DNAJC27: variants seen among roughly 807,000 people sequenced by gnomAD.
The protein encoded by DNAJC27 is dnaJ homolog subfamily C member 27.
A neutral mutation model predicts 31.4 loss-of-function variants in DNAJC27; 25 were observed. That is an observed-to-expected ratio of 0.80 (90% CI 0.58 to 1.11). The LOEUF is 1.11. DNAJC27 is among the 50% of genes most tolerant of loss of function. The pLI, the probability that DNAJC27 is intolerant of heterozygous loss-of-function variation, is 0.00. For missense variants in DNAJC27, 356 were observed against 347.3 expected (o/e 1.02, Z -0.20); for synonymous variants, 106 against 112.7 (o/e 0.94, Z 0.37).
Position 24,960,393 on chromosome 2 carries a change from G to T in DNAJC27, c.241-2419C>A, listed in dbSNP as rs553541551. Among the ~76,000 whole-genome samples the T allele has an allele frequency of 8.5e-5, 13 of 152,250 alleles. No individual in the cohort carries two copies. In the South Asian group the frequency reaches 1.7e-3, roughly 19 times the overall value. ...CTCTTCCCTGAGACAAAACAATATTGAAAGTAGGCCAATTAATAACAATAC... is the reference window on the plus strand; with the variant it reads ...CTCTTCCCTGAGACAAAACAATATTTAAAGTAGGCCAATTAATAACAATAC... On this transcript the variant is annotated intron_variant, in intron 3 of 6. Transcript: ENST00000264711.
Position 24,957,158 on chromosome 2 carries a change from C to G in DNAJC27, c.413G>C (p.Cys138Ser). The change falls in exon 5 of 7, where the codon TGT becomes TCT. Residue 138 changes from cysteine to serine, a missense_variant. By Grantham distance (112) the Cys-to-Ser change is moderately radical. Transcript: ENST00000264711. ...TTCATCTACACAGCGATGTTTGGTACAATCAATCTGAAATAGAAGGGGCGG... is the reference window on the plus strand; with the variant it reads ...TTCATCTACACAGCGATGTTTGGTAGAATCAATCTGAAATAGAAGGGGCGG... ...IFVVCANKID[C>S]TKHRCVDESE... 6.3e-7 allele frequency: 1 copy of G among 1,596,336 alleles called. No individual in the cohort carries two copies. Among genetic ancestry groups the G allele is most frequent in the Middle Eastern group, 1.7e-4 (1 of 6,008 alleles).
chr2:24,950,868 A>T lies in DNAJC27; in HGVS notation c.689+526T>A, dbSNP rs184611343. Among the ~76,000 whole-genome samples the T allele has an allele frequency of 4.9e-3, 744 of 152,124 alleles. 1 individual carries two copies. Among genetic ancestry groups the T allele is most frequent in the Middle Eastern group, 0.02 (6 of 294 alleles). On this transcript the variant is annotated intron_variant, in intron 6 of 6. Coordinates refer to ENST00000264711, the MANE Select transcript of DNAJC27 (RefSeq NM_016544.3). ...GTCTCAAAAATAAAAATAAAAAAAA[A>T]AAATAAACAAATACACACACAGATG...
In DNAJC27 at chr2:24,951,563, A is replaced by C. The variant is rs1327944202; in HGVS notation, c.529-9T>G. On this transcript the variant is annotated splice_polypyrimidine_tract_variant and intron_variant, in intron 5 of 6. Coordinates refer to ENST00000264711, the MANE Select transcript of DNAJC27 (RefSeq NM_016544.3). ...ATGGATATATAAAAGGTCTACAAGA[A>C]GAAAACATAACCCAGGGTAGAAATG... 8 of 1,604,758 alleles carry C rather than the reference A, an allele frequency of 5.0e-6. No homozygotes were observed. The East Asian group carries it at 1.8e-4, about 36-fold the overall frequency.
In DNAJC27 at chr2:24,951,471, T is replaced by C. The variant is rs1406860248; in HGVS notation, c.612A>G (p.Glu204=). Residue 204 remains glutamate (E), a synonymous_variant, in exon 6 of 7, where the codon GAA becomes GAG. Coordinates refer to ENST00000264711, the MANE Select transcript of DNAJC27 (RefSeq NM_016544.3). ...TTNSSASFTK[E]QADAIRRIRN... ...GAATTCTGCGAATGGCATCTGCTTGTTCTTTGGTGAAACTAGCACTGCTAT... is the reference window on the plus strand; with the variant it reads ...GAATTCTGCGAATGGCATCTGCTTGCTCTTTGGTGAAACTAGCACTGCTAT... 3.7e-6 allele frequency: 6 copies of C among 1,613,804 alleles called. No individual in the cohort carries two copies. The highest frequency in any genetic ancestry group is 5.1e-6 in the Non-Finnish European group (6 of 1,179,918).
intron 5 of DNAJC27, 41 bp downstream of exon 5, chr2:24,957,001 TG>T: frequency 6.3e-7 from 1 of 1,576,892 alleles, no homozygotes; most frequent in Non-Finnish European, 8.6e-7. Context: ...ATTGGCACAG[TG>T]GCCTTGACAC....
chr2:24,971,526 G>A, intron 1 of DNAJC27: 3 of 257,456 alleles, frequency 1.2e-5, no homozygotes, highest in Non-Finnish European at 2.2e-5. Context: ...CTAGGCCGAC[G>A]GCCCCTCATG....
rs954240646 is a variant in DNAJC27 at position 24,957,863 on chromosome 2, G to A, written c.352C>T (p.Leu118Phe). ...DAWLAEMKQE[L>F]GPHGNMENII... ...TTTTCCATGTTTCCATGAGGTCCAAGCTCTTGCTTCATTTCTGCCAGCCAC... is the reference window on the plus strand; with the variant it reads ...TTTTCCATGTTTCCATGAGGTCCAAACTCTTGCTTCATTTCTGCCAGCCAC... The change falls in exon 4 of 7, where the codon CTT (leucine) becomes TTT (phenylalanine). Residue 118 changes from leucine (L) to phenylalanine (F), a missense_variant. Transcript: ENST00000264711. The A allele has an allele frequency of 6.2e-7, 1 of 1,614,194 alleles. No individual in the cohort carries two copies. The highest frequency in any genetic ancestry group is 8.5e-7 in the Non-Finnish European group (1 of 1,180,026).
In DNAJC27 at chr2:24,967,263, T is replaced by G; in HGVS notation, c.118A>C (p.Arg40=). 6.2e-7 allele frequency: 1 copy of G among 1,613,734 alleles called. No homozygotes were observed. Among genetic ancestry groups the G allele is most frequent in the Non-Finnish European group, 8.5e-7 (1 of 1,179,688 alleles). The change falls in exon 2 of 7, where the codon AGA becomes CGA. Residue 40 remains arginine (R), a synonymous_variant. Transcript: ENST00000264711. ...GTTGCCAGGTATTTAGACACGAATCTTTTCTCACAGTATCGCTTTATAATA... is the reference window on the plus strand; with the variant it reads ...GTTGCCAGGTATTTAGACACGAATCGTTTCTCACAGTATCGCTTTATAATA... ...SCIIKRYCEK[R]FVSKYLATIG... is the part of the protein sequence containing the mutation.
At chr2:24,958,210 C>T (rs1016736639) in intron 3 of DNAJC27, among the ~76,000 whole-genome samples, 3 of 152,146 alleles carry the variant, frequency 2.0e-5, no homozygotes, top group African/African-American at 7.2e-5. Context: ...CCCACCCCGT[C>T]CCACCTCCAG....
intron 3 of DNAJC27, 24 bp from the exon 4 acceptor site, chr2:24,957,998 C>G: frequency 6.2e-7 from 1 of 1,601,318 alleles, no homozygotes; most frequent in Non-Finnish European, 8.5e-7. Context: ...GACAGATACA[C>G]AAAACGTAGT....
chr2:24,945,070 C>T lies in DNAJC27; in HGVS notation c.*2546G>A, dbSNP rs992898648. 2.0e-5 allele frequency: 3 copies of T among 152,176 alleles called. No homozygotes were observed. Among genetic ancestry groups the T allele is most frequent in the African/African-American group, 7.2e-5 (3 of 41,428 alleles). The allele number at this position is 152,176 out of a possible 1,614,324, so 9.4% of individuals were successfully genotyped here. On this transcript the variant is annotated 3_prime_UTR_variant, in exon 7 of 7. Coordinates refer to ENST00000264711, the MANE Select transcript of DNAJC27 (RefSeq NM_016544.3). ...TAATAAGGTTGAACTACAAAGCACACATTTGCACCAAGAATTTAAATTAAT... is the reference window on the plus strand; with the variant it reads ...TAATAAGGTTGAACTACAAAGCACATATTTGCACCAAGAATTTAAATTAAT...
At chr2:24,948,350 C>T (rs542224434) in intron 6 of DNAJC27, among the ~76,000 whole-genome samples, 13 of 151,846 alleles carry the variant, frequency 8.6e-5, no homozygotes, top group Non-Finnish European at 7.4e-5. Context: ...TGGAAGGAAA[C>T]AAGGGAAGAT....
At chr2:24,948,551 A>C (rs1031896820) in intron 6 of DNAJC27, among the ~76,000 whole-genome samples, 2 of 152,172 alleles carry the variant, frequency 1.3e-5, no homozygotes, top group African/African-American at 4.8e-5. Context: ...AGCTCACGAG[A>C]CCAAAGAAGA....
At position 24,957,888 on chromosome 2, in the gene DNAJC27, C is replaced by T. The variant is rs540104495; in HGVS notation, c.327G>A (p.Ala109=). 9.3e-6 allele frequency: 15 copies of T among 1,614,044 alleles called. No individual in the cohort carries two copies. In the East Asian group the frequency reaches 1.3e-4, roughly 14 times the overall value. ...GCTCTTGCTTCATTTCTGCCAGCCA[C>T]GCATCAAGGGCGTCAAAGGAGTCTT... ...GQKDSFDALD[A]WLAEMKQELG... is the part of the protein sequence containing the mutation. Residue 109 remains alanine, a synonymous_variant, in exon 4 of 7, where the codon GCG becomes GCA. Coordinates refer to ENST00000264711, the MANE Select transcript of DNAJC27 (RefSeq NM_016544.3).
rs777075339 is a variant in DNAJC27 at position 24,971,802 on chromosome 2, G to A, written c.87+16C>T. On this transcript the variant is annotated intron_variant, in intron 1 of 6. Transcript: ENST00000264711. Reference sequence around the variant, plus strand: ...CGCCACGCTGGGGCCCGCCCCTCCCGGCTCGCTGTACTCACTTTCCCCACT... The same window carrying A: ...CGCCACGCTGGGGCCCGCCCCTCCCAGCTCGCTGTACTCACTTTCCCCACT... The A allele has an allele frequency of 3.8e-6, 6 of 1,595,494 alleles. No individual in the cohort carries two copies. Among genetic ancestry groups the A allele is most frequent in the East Asian group, 2.3e-5 (1 of 43,196 alleles).
chr2:24,967,758 A>C (rs934955572), intron 1 of DNAJC27, among the ~76,000 whole-genome samples: 1 of 151,802 alleles, frequency 6.6e-6, no homozygotes, highest in South Asian at 2.1e-4. Context: ...AAAGATTTTA[A>C]GAAAAATTAT....
At chr2:24,965,093 C>A (rs1666146641) in intron 2 of DNAJC27, among the ~76,000 whole-genome samples, 1 of 151,794 alleles carries the variant, frequency 6.6e-6, no homozygotes, top group African/African-American at 2.4e-5. Context: ...GTAATCCCAG[C>A]TACTTGGGAG....
In DNAJC27 at chr2:24,946,080, G is replaced by A. The variant is rs541450788; in HGVS notation, c.*1536C>T. 4.3e-4 allele frequency: 66 copies of A among 152,316 alleles called. No homozygotes were observed. Among genetic ancestry groups the A allele is most frequent in the African/African-American group, 1.5e-3 (62 of 41,566 alleles). The allele number at this position is 152,316 out of a possible 1,614,324, so 9.4% of individuals were successfully genotyped here. A position where few individuals can be genotyped will look rare whatever the true frequency, so the allele number is the denominator to read the frequency against. ...GTATGAGTGATGTAACAAGAATGAC[G>A]ACGTAATGAGTCAAGTGGTGAGACT... On this transcript the variant is annotated 3_prime_UTR_variant, in exon 7 of 7. Transcript: ENST00000264711.
chr2:24,958,118 G>T, intron 3 of DNAJC27, 144 bp from the exon 4 acceptor site: 1 of 717,858 alleles, frequency 1.4e-6, no homozygotes, highest in Non-Finnish European at 2.2e-6. Context: ...TCATTAGAGG[G>T]TTTTTTATAG....
Sources: allele counts gnomAD v4.1 joint callset (sites outside exome capture counted in the v4.1 genomes callset), GRCh38; gene constraint gnomAD v4.1.1; transcripts MANE v1.5; gene names NCBI Gene and HGNC (gene_info 2026-07-23, HGNC 2026-07-21).